Variants in C2CD4D observed in about 807,000 individuals in gnomAD.
The protein encoded by C2CD4D is C2 calcium dependent domain containing 4D, also known as C2 calcium-dependent domain-containing protein 4D.
C2CD4D carries 1 observed loss-of-function variant against 0.2 expected under a neutral mutation model. The ratio of observed to expected loss-of-function variants is 4.00; its 90% confidence interval spans 1.42 to 18.99. The LOEUF (loss-of-function observed/expected upper bound fraction) is 18.99, where lower values mean the gene tolerates loss of function less well. Ranked by LOEUF, C2CD4D falls within the 30% of genes most tolerant of loss-of-function variation. C2CD4D has a pLI of 0.11. For missense variants in C2CD4D, 552 were observed against 551.2 expected (o/e 1.00, Z -0.01); for synonymous variants, 269 against 279.8 (o/e 0.96, Z 0.39).
intron 1 of C2CD4D, among the ~76,000 whole-genome samples, 70 bp downstream of exon 1, chr1:151,839,594 C>A (rs1357219263): frequency 6.6e-6 from 1 of 152,146 alleles, no homozygotes; most frequent in South Asian, 2.1e-4. Flanking sequence ...TCCCTCAGTC[C>A]TAGCCCCACC....
chr1:151,838,471 T>C, exon 2 of C2CD4D: 1 of 1,395,430 alleles, frequency 7.2e-7, no homozygotes. Context: ...CCGAGCTCGC[T>C]TTTTCTGGGG....
At chr1:151,838,510 C>A in exon 2 of C2CD4D, 1 of 1,359,916 alleles carries the variant, frequency 7.4e-7, no homozygotes. Flanking sequence ...ACACCCGGCG[C>A]CGGCCCAGGC....
Position 151,838,083 on chromosome 1 carries a change from G to A in C2CD4D, c.907C>T (p.Arg303Cys), listed in dbSNP as rs923874169. ...TCTAGCACCTTGGCTCTCAGGCTGC[G>A]GGCGGCCAGGTCCGGGGGGCCGAGC... The change falls in exon 2 of 2, where the codon CGC (arginine) becomes TGC (cysteine). Residue 303 changes from arginine to cysteine, a missense_variant. Coordinates refer to ENST00000454109, the Ensembl canonical transcript of C2CD4D. 6 of 1,551,372 alleles carry A rather than the reference G, an allele frequency of 3.9e-6. No homozygotes were observed. In the East Asian group the frequency reaches 7.3e-5, roughly 19 times the overall value.
chr1:151,838,977 C>G (rs756083266), exon 2 of C2CD4D: 34 of 1,550,138 alleles, frequency 2.2e-5, no homozygotes, highest in Non-Finnish European at 7.0e-6. Flanking sequence ...CCAGCTTTTT[C>G]CAAGAGCCAC....
rs1245712895 is a variant in C2CD4D at position 151,838,032 on chromosome 1, C to T, written c.958G>A (p.Val320Met). The T allele has an allele frequency of 3.2e-6, 5 of 1,551,538 alleles. No homozygotes were observed. In the African/African-American group the frequency reaches 6.8e-5, roughly 21 times the overall value. Residue 320 changes from valine (V) to methionine (M), a missense_variant, in exon 2 of 2, where the codon GTG (valine) becomes ATG (methionine). Val to Met is a conservative substitution (Grantham distance 21). Transcript: ENST00000454109. The stretch of plus-strand genomic sequence containing the variant: ...GGCGTCTCGCACTCCCCCAGCAGCA[C>T]ATCCCTGCGAAGTCCCGCGCCCCTG...
At chr1:151,838,976 T>C (rs1652688293) in exon 2 of C2CD4D, 1 of 1,550,128 alleles carries the variant, frequency 6.5e-7, no homozygotes, top group Non-Finnish European at 8.7e-7. Flanking sequence ...GCCAGCTTTT[T>C]CCAAGAGCCA....
rs1193889906 is a variant in C2CD4D at position 151,839,035 on chromosome 1, G to C, written c.-46C>G. The C allele has an allele frequency of 1.9e-6, 3 of 1,541,586 alleles. No homozygotes were observed. The Admixed American group carries it at 6.0e-5, about 31-fold the overall frequency. ...ATTCCGAATTCCGCAGGGCCGAGAGGGTCCAAATCCCGTCTCAGATGGGAG... is the reference window on the plus strand; with the variant it reads ...ATTCCGAATTCCGCAGGGCCGAGAGCGTCCAAATCCCGTCTCAGATGGGAG... On this transcript the variant is annotated 5_prime_UTR_variant, in exon 2 of 2. Transcript: ENST00000454109.
At chr1:151,838,616 A>C in exon 2 of C2CD4D, 1 of 1,315,212 alleles carries the variant, frequency 7.6e-7, no homozygotes, top group Non-Finnish European at 9.6e-7. Context: ...GGAGACGTGC[A>C]GCCGGGACTG....
chr1:151,838,338 C>G, exon 2 of C2CD4D: 4 of 1,416,142 alleles, frequency 2.8e-6, no homozygotes, highest in Non-Finnish European at 3.7e-6. Flanking sequence ...AGCTGCCCGC[C>G]GCGGGGCCCC....
exon 2 of C2CD4D, chr1:151,839,147 C>T (rs1407117954): frequency 5.9e-5 from 46 of 777,272 alleles, no homozygotes; most frequent in Non-Finnish European, 9.8e-6. Flanking sequence ...GCCACCGCGC[C>T]CCGGTCTCCG....
rs539333912 is a variant in C2CD4D at position 151,838,850 on chromosome 1, C to A, written c.140G>T (p.Arg47Leu). 443 of 1,507,212 alleles carry A rather than the reference C, an allele frequency of 2.9e-4. 2 individuals carry two copies. The African/African-American group carries it at 6.0e-3, about 20-fold the overall frequency. 93.4% of individuals were successfully genotyped at this position (1,507,212 alleles called of 1,614,324 possible). Residue 47 changes from arginine to leucine, a missense_variant, in exon 2 of 2, where the codon CGC becomes CTC. Coordinates refer to ENST00000454109, the Ensembl canonical transcript of C2CD4D. ...AGGCGGGATGAAGAACTGCGGGATG[C>A]GATCCGGGGTGAGGACGTTGGGGCA...
At chr1:151,838,110 C>T in exon 2 of C2CD4D, 1 of 1,551,372 alleles carries the variant, frequency 6.4e-7, no homozygotes, top group Non-Finnish European at 8.7e-7. Flanking sequence ...GGGCCGAGCC[C>T]GTCGAAAAAG....
At chr1:151,838,136 A>C in exon 2 of C2CD4D, 1 of 1,492,298 alleles carries the variant, frequency 6.7e-7, no homozygotes, top group Non-Finnish European at 9.0e-7. Context: ...CTCGTTGAAG[A>C]TGGGGTTGGC....
rs1166262732 is a variant in C2CD4D at position 151,839,041 on chromosome 1, A to C, written c.-52T>G. ...AATTCCGCAGGGCCGAGAGGGTCCA[A>C]ATCCCGTCTCAGATGGGAGTGCTCG... On this transcript the variant is annotated 5_prime_UTR_variant, in exon 2 of 2. The change creates a new upstream start codon in the 5' untranslated region. Coordinates refer to ENST00000454109, the Ensembl canonical transcript of C2CD4D. 11 of 1,537,976 alleles carry C rather than the reference A, an allele frequency of 7.2e-6. No homozygotes were observed. Among genetic ancestry groups the C allele is most frequent in the Non-Finnish European group, 8.8e-6 (10 of 1,139,226 alleles).
rs554637360 is a variant in C2CD4D at position 151,837,894 on chromosome 1, A to G, written c.*34T>C. 6.4e-5 allele frequency: 94 copies of G among 1,477,724 alleles called. No individual in the cohort carries two copies. In the East Asian group the frequency reaches 2.4e-3, roughly 37 times the overall value. 91.5% of individuals were successfully genotyped at this position (1,477,724 alleles called of 1,614,324 possible). A position where few individuals can be genotyped will look rare whatever the true frequency, so the allele number is the denominator to read the frequency against. ...TGGAAAGAATGTGGACTGCAGACAC[A>G]GTGGAGACGTCCTGAGGAAGCCAGG... On this transcript the variant is annotated 3_prime_UTR_variant, in exon 2 of 2. Transcript: ENST00000454109.
chr1:151,838,314 C>A lies in C2CD4D; in HGVS notation c.676G>T (p.Glu226Ter). 7.1e-7 allele frequency: 1 copy of A among 1,401,320 alleles called. No individual in the cohort carries two copies. The highest frequency in any genetic ancestry group is 9.3e-7 in the Non-Finnish European group (1 of 1,071,898). 86.8% of individuals were successfully genotyped at this position (1,401,320 alleles called of 1,614,324 possible). Residue 226 changes from glutamate to a stop codon, truncating the protein, a stop_gained, in exon 2 of 2, where the codon GAA (glutamate) becomes TAA (stop). Coordinates refer to ENST00000454109, the Ensembl canonical transcript of C2CD4D. LOFTEE classifies it low-confidence loss of function (END_TRUNC). ...AGCCGCCCGGGCCCGGCCTGATATT[C>A]GGTGGAGAGCCGCAGCTGCCCGCCG... is the stretch of plus-strand genomic sequence containing the variant.
At chr1:151,838,498 G>A in exon 2 of C2CD4D, 1 of 1,382,382 alleles carries the variant, frequency 7.2e-7, no homozygotes, top group Non-Finnish European at 9.3e-7. Context: ...AGTGAGGCCT[G>A]GACACCCGGC....
exon 2 of C2CD4D, chr1:151,838,712 A>C: frequency 7.3e-7 from 1 of 1,366,602 alleles, no homozygotes; most frequent in Non-Finnish European, 9.4e-7. Context: ...CTCGGGCAGG[A>C]AGGCCCAGCC....
At chr1:151,840,155 A>G (rs193204758) in intron 1 of C2CD4D, 2 of 152,456 alleles carry the variant, frequency 1.3e-5, no homozygotes, top group East Asian at 3.9e-4. Flanking sequence ...CCCCCAGCGC[A>G]GTCCTTATGG....
Sources: gnomAD v4.1 joint callset for allele counts (sites outside exome capture counted in the v4.1 genomes callset) on GRCh38, gnomAD v4.1.1 for gene constraint, MANE v1.5 for transcripts, NCBI Gene and HGNC (gene_info 2026-07-23, HGNC 2026-07-21) for gene names.